PCDH15: variants seen among roughly 807,000 people sequenced by gnomAD.
The protein encoded by PCDH15 is protocadherin-15.
In PCDH15, 129 loss-of-function variants were observed where a neutral mutation model predicts 178.5. The ratio of observed to expected loss-of-function variants is 0.72; its 90% CI spans 0.63 to 0.84. PCDH15 has a LOEUF of 0.84. PCDH15 is among the 40% of genes least tolerant of loss of function. PCDH15 has a pLI of 0.00. For synonymous variants in PCDH15, 800 were observed against 732.0 expected, an observed-to-expected ratio of 1.09 and a Z score of -1.50; for missense variants, 2,230 against 2,099.9, an observed-to-expected ratio of 1.06 and a Z score of -1.21.
At chr10:54,675,239 G>A (rs2094761417) in intron 1 of PCDH15, among the ~76,000 whole-genome samples, 1 of 151,702 alleles carries the variant, frequency 6.6e-6, no homozygotes, top group African/African-American at 2.4e-5. Context: ...TAAATTTTAT[G>A]GGCATTCTAA....
intron 2 of PCDH15, among the ~76,000 whole-genome samples, chr10:55,106,029 GTT>G (rs77907207): frequency 6.9e-6 from 1 of 144,086 alleles, no homozygotes. Flanking sequence ...TGTATTATAA[GTT>G]TTTTTTTTTT....
intron 2 of PCDH15, 115 bp downstream of exon 2, chr10:54,664,057 T>A (rs972462120): frequency 1.2e-6 from 1 of 813,100 alleles, no homozygotes; most frequent in Non-Finnish European, 2.1e-6. Context: ...TACACAGAGA[T>A]ACTAACCTTT....
At chr10:54,240,202 G>C (rs1206992503) in intron 8 of PCDH15, among the ~76,000 whole-genome samples, 1 of 151,772 alleles carries the variant, frequency 6.6e-6, no homozygotes, top group Non-Finnish European at 1.5e-5. Context: ...CTTAGAATAA[G>C]TGAGAATTTT....
rs146063381 is a variant in PCDH15 at position 54,463,655 on chromosome 10, T to C, written c.157+64157A>G. Among the ~76,000 whole-genome samples, 499 of 152,238 alleles carry C rather than the reference T, an allele frequency of 3.3e-3. 2 individuals carry two copies. The highest frequency in any genetic ancestry group is 0.014 in the Middle Eastern group (4 of 294). On this transcript the variant is annotated intron_variant, in intron 3 of 37. Coordinates refer to ENST00000644397, the MANE Select transcript of PCDH15 (RefSeq NM_001384140.1). ...ACACTTCTACCAGACAGTAATTTTT[T>C]TCACCATCCTGGAAGACCCTCAAGG... is the stretch of plus-strand genomic sequence containing the variant.
chr10:54,594,774 C>T (rs559825090), intron 2 of PCDH15, among the ~76,000 whole-genome samples: 33 of 152,272 alleles, frequency 2.2e-4, no homozygotes, highest in Non-Finnish European at 2.5e-4. Context: ...GTGCCCCATC[C>T]CTTCTCCCCC....
intron 3 of PCDH15, among the ~76,000 whole-genome samples, chr10:54,487,259 CAT>C (rs772444581): frequency 7.9e-5 from 12 of 151,994 alleles, no homozygotes; most frequent in Non-Finnish European, 1.3e-4. Flanking sequence ...ACAAATATCA[CAT>C]GTTTTCACTT....
intron 1 of PCDH15, among the ~76,000 whole-genome samples, chr10:54,788,177 G>A (rs1306430200): frequency 6.6e-6 from 1 of 151,826 alleles, no homozygotes; most frequent in Non-Finnish European, 1.5e-5. Flanking sequence ...TTTGAAATAC[G>A]AGCAGAAACA....
chr10:54,393,914 T>G (rs1950864273), intron 3 of PCDH15, among the ~76,000 whole-genome samples: 1 of 152,142 alleles, frequency 6.6e-6, no homozygotes, highest in African/African-American at 2.4e-5. Flanking sequence ...CTCTAAAGTA[T>G]GCTTTTATAA....
chr10:54,417,930 T>C (rs907893340), intron 3 of PCDH15, among the ~76,000 whole-genome samples: 1 of 152,072 alleles, frequency 6.6e-6, no homozygotes, highest in East Asian at 1.9e-4. Flanking sequence ...GTAGAGAGGG[T>C]CTTATTATTT....
At chr10:54,082,952 C>T (rs1325199803) in intron 16 of PCDH15, among the ~76,000 whole-genome samples, 1 of 151,924 alleles carries the variant, frequency 6.6e-6, no homozygotes, top group Non-Finnish European at 1.5e-5. Flanking sequence ...CTCAAATACA[C>T]ATTTTTTCCA....
intron 2 of PCDH15, among the ~76,000 whole-genome samples, chr10:54,655,261 AGAGAGAGAGAGAGAGAGAGAGAGAG>A (rs1565865517): frequency 1.9e-4 from 14 of 71,988 alleles, no homozygotes; most frequent in Admixed American, 6.2e-4. Context: ...AAAGAAAGAG[AGAGAGAGAGAGAGAGAGAGAGAGAG>A]AGAGAGAGAG....
At chr10:55,249,255 C>G (rs527652440) in intron 1 of PCDH15, among the ~76,000 whole-genome samples, 24 of 152,228 alleles carry the variant, frequency 1.6e-4, no homozygotes, top group African/African-American at 5.3e-4. Context: ...GCAATCATCT[C>G]TAGATAGATA....
At chr10:54,421,022 A>G (rs1955206896) in intron 3 of PCDH15, among the ~76,000 whole-genome samples, 1 of 152,092 alleles carries the variant, frequency 6.6e-6, no homozygotes, top group African/African-American at 2.4e-5. Flanking sequence ...TTCGCTTCGC[A>G]TGTTGCATTA....
chr10:54,399,627 C>T (rs963593224), intron 3 of PCDH15, among the ~76,000 whole-genome samples: 1 of 152,054 alleles, frequency 6.6e-6, no homozygotes, highest in African/African-American at 2.4e-5. Flanking sequence ...AGAGATGAGT[C>T]TCAAGTGAGT....
At chr10:53,857,408 T>G in intron 27 of PCDH15, 145 bp from the exon 28 acceptor site, 1 of 556,710 alleles carries the variant, frequency 1.8e-6, no homozygotes, top group South Asian at 2.5e-5. Context: ...ATATACATTT[T>G]TAATTATATG....
chr10:54,072,205 A>C (rs12415233), intron 17 of PCDH15, among the ~76,000 whole-genome samples: 8,588 of 152,230 alleles, frequency 0.056, 380 homozygotes, highest in East Asian at 0.25. Flanking sequence ...ATGAGGATTT[A>C]TAGTTTAGAA....
At chr10:54,146,938 TATATATATA>T (rs2044003955) in intron 14 of PCDH15, among the ~76,000 whole-genome samples, 1 of 142,438 alleles carries the variant, frequency 7.0e-6, no homozygotes, top group Non-Finnish European at 1.5e-5. Flanking sequence ...ATATATAATG[TATATATATA>T]GTGTATATAT....
intron 2 of PCDH15, among the ~76,000 whole-genome samples, chr10:55,415,044 T>A (rs1209226444): frequency 6.6e-6 from 1 of 151,672 alleles, no homozygotes; most frequent in African/African-American, 2.4e-5. Flanking sequence ...ATGTTAGTTG[T>A]AAGATGTTTA....
intron 1 of PCDH15, among the ~76,000 whole-genome samples, chr10:55,258,044 T>C (rs1438980150): frequency 6.6e-6 from 1 of 152,108 alleles, no homozygotes; most frequent in African/African-American, 2.4e-5. Flanking sequence ...ACTCTACAAG[T>C]CTTTTCAATT....
Sources: allele counts gnomAD v4.1 joint callset (sites outside exome capture counted in the v4.1 genomes callset), GRCh38; gene constraint gnomAD v4.1.1; transcripts MANE v1.5; gene names NCBI Gene and HGNC (gene_info 2026-07-23, HGNC 2026-07-21).